The following XRN1 variants were observed in gnomAD, a reference collection of about 807,000 sequenced individuals.
XRN1 encodes the protein strand-exchange protein 1 homolog.
A neutral mutation model predicts 222.3 loss-of-function variants in XRN1; 67 were observed. The observed-to-expected ratio is 0.30, with a 90% confidence interval of 0.25 to 0.37. The LOEUF is 0.37. Ranked by LOEUF, XRN1 falls within the 10% of genes least tolerant of loss-of-function variation. The pLI is 1.00. For missense variants in XRN1, 1,707 were observed against 2,000.2 expected (o/e 0.85, Z 2.80); for synonymous variants, 643 against 652.4 (o/e 0.99, Z 0.22).
rs369118407 is a variant in XRN1 at position 142,418,809 on chromosome 3, A to T, written c.1240+6T>A. ...TAACATATCAAAACACATACTTCAT[A>T]CTTACCCTTAGAAGTTATCATTTCG... is the stretch of plus-strand genomic sequence containing the variant. On this transcript the variant is annotated splice_donor_region_variant and intron_variant, in intron 11 of 40. Coordinates refer to ENST00000392981, the MANE Select transcript of XRN1 (RefSeq NM_001282857.2). 3.0e-5 allele frequency: 48 copies of T among 1,613,652 alleles called. No homozygotes were observed. The African/African-American group carries it at 5.6e-4, about 19-fold the overall frequency.
rs542958870 is a variant in XRN1 at position 142,327,220 on chromosome 3, G to C, written c.4404+2214C>G. 2.6e-5 allele frequency among the ~76,000 whole-genome samples: 4 copies of C among 152,052 alleles called. No homozygotes were observed. In the East Asian group the frequency reaches 7.7e-4, roughly 29 times the overall value. On this transcript the variant is annotated intron_variant, in intron 37 of 40. Coordinates refer to ENST00000392981, the MANE Select transcript of XRN1 (RefSeq NM_001282857.2). ...TCAGCGTTTGGCAGAATTCAGTAGC[G>C]AAAACACCAGGTCCTGGTCTACTTT... is the stretch of plus-strand genomic sequence containing the variant.
At chr3:142,312,288 GAATAATAAT>G (rs540773237) in intron 40 of XRN1, among the ~76,000 whole-genome samples, 6 of 151,722 alleles carry the variant, frequency 4.0e-5, no homozygotes, top group African/African-American at 1.5e-4. Context: ...CCAAAAAAAT[GAATAATAAT>G]AATAATAATA....
intron 22 of XRN1, among the ~76,000 whole-genome samples, chr3:142,381,353 C>T (rs2067297286): frequency 6.6e-6 from 1 of 152,090 alleles, no homozygotes; most frequent in African/African-American, 2.4e-5. Flanking sequence ...TTTACATTGA[C>T]ATAATACTTT....
chr3:142,441,838 C>T (rs1037934391), intron 1 of XRN1, among the ~76,000 whole-genome samples: 2 of 152,182 alleles, frequency 1.3e-5, no homozygotes, highest in Non-Finnish European at 2.9e-5. Context: ...AAACCTAAGC[C>T]GCTCGAGGGG....
chr3:142,345,659 A>C (rs536530611), intron 33 of XRN1, among the ~76,000 whole-genome samples: 5 of 152,356 alleles, frequency 3.3e-5, no homozygotes, highest in African/African-American at 9.6e-5. Flanking sequence ...CATATCCAAG[A>C]AGCATGTAAT....
intron 12 of XRN1, chr3:142,417,926 T>C (rs1258053733): frequency 6.6e-6 from 1 of 152,240 alleles, no homozygotes; most frequent in Non-Finnish European, 1.5e-5. Flanking sequence ...ATCTGGACAA[T>C]GAAGAACAGC....
chr3:142,421,487 T>C lies in XRN1; in HGVS notation c.1024A>G (p.Lys342Glu), dbSNP rs148364275. 6 of 1,608,344 alleles carry C rather than the reference T, an allele frequency of 3.7e-6. No homozygotes were observed. The African/African-American group carries it at 8.0e-5, about 22-fold the overall frequency. ...TTCTAGTTACTTACATCTGATAGTT[T>C]CACAAGGTATTTCTCAAATCGAGGT... is the stretch of plus-strand genomic sequence containing the variant. ...NLPRFEKYLV[K>E]LSDFDREHFS... The change falls in exon 9 of 41, where the codon AAA (lysine) becomes GAA (glutamate). Residue 342 changes from lysine (K) to glutamate (E), a missense_variant. Lys to Glu is a moderately conservative substitution (Grantham distance 56). This residue lies in a region of XRN1 where 1,234 missense variants were observed against 1,518.2 expected (regional missense o/e 0.81). Coordinates refer to ENST00000392981, the MANE Select transcript of XRN1 (RefSeq NM_001282857.2).
At chr3:142,368,453 T>C (rs1255739622) in intron 27 of XRN1, among the ~76,000 whole-genome samples, 2 of 152,102 alleles carry the variant, frequency 1.3e-5, no homozygotes, top group Non-Finnish European at 2.9e-5. Context: ...TCAGCCTATA[T>C]GCACATATAT....
chr3:142,332,606 T>A (rs541396111), intron 35 of XRN1, 72 bp from the exon 36 acceptor site: 1 of 1,342,392 alleles, frequency 7.4e-7, no homozygotes, highest in East Asian at 2.4e-5. Flanking sequence ...CTGTAGAACT[T>A]ATTGATCTTT....
chr3:142,318,930 T>C (rs776962406), intron 37 of XRN1, 27 bp from the exon 38 acceptor site: 7 of 1,576,264 alleles, frequency 4.4e-6, no homozygotes, highest in Non-Finnish European at 5.2e-6. Context: ...TATATGTCTA[T>C]GAAATTCTCT....
chr3:142,431,897 A>T lies in XRN1; in HGVS notation c.308+764T>A, dbSNP rs1292018825. ...ATATTATATATATTATATATAATAT[A>T]TATATTATATATATAAATATATATA... On this transcript the variant is annotated intron_variant, in intron 2 of 40. Coordinates refer to ENST00000392981, the MANE Select transcript of XRN1 (RefSeq NM_001282857.2). 7.2e-5 allele frequency among the ~76,000 whole-genome samples: 2 copies of T among 27,778 alleles called. 1 individual carries two copies. Among genetic ancestry groups the T allele is most frequent in the African/African-American group, 4.4e-4 (2 of 4,578 alleles). 18.2% of individuals were successfully genotyped at this position (27,778 alleles called of 152,430 possible).
chr3:142,412,802 G>T (rs781696089), intron 14 of XRN1, 139 bp from the exon 15 acceptor site: 4 of 568,582 alleles, frequency 7.0e-6, no homozygotes, highest in African/African-American at 1.9e-5. Context: ...CCTTTGATAT[G>T]TCACAATATA....
chr3:142,325,967 G>A (rs1286825282), intron 37 of XRN1, among the ~76,000 whole-genome samples: 4 of 152,038 alleles, frequency 2.6e-5, no homozygotes, highest in African/African-American at 9.7e-5. Flanking sequence ...TAAAAAATAA[G>A]TTGACTGTAA....
In XRN1 at chr3:142,385,798, A is replaced by C. The variant is rs143065572; in HGVS notation, c.2340-1113T>G. On this transcript the variant is annotated intron_variant, in intron 20 of 40. Transcript: ENST00000392981. ...TATTTTCATCTCTTTGTGCTTTTGT[A>C]CTGCTTACTGAAGGAATTCCTAAGG... is the stretch of plus-strand genomic sequence containing the variant. Among the ~76,000 whole-genome samples the C allele has an allele frequency of 8.9e-3, 1,349 of 152,024 alleles. 20 individuals are homozygous for C. Among genetic ancestry groups the C allele is most frequent in the African/African-American group, 0.031 (1,274 of 41,492 alleles).
At chr3:142,427,639 T>A (rs1401740670) in intron 2 of XRN1, among the ~76,000 whole-genome samples, 1 of 152,196 alleles carries the variant, frequency 6.6e-6, no homozygotes, top group Non-Finnish European at 1.5e-5. Flanking sequence ...ACATTTAAAA[T>A]GAAAGCCTAA....
intron 8 of XRN1, 82 bp downstream of exon 8, chr3:142,422,500 A>C (rs370603747): frequency 4.2e-6 from 6 of 1,417,396 alleles, no homozygotes; most frequent in Non-Finnish European, 5.9e-6. Flanking sequence ...TGCATGCAAT[A>C]ATCTACTAAA....
At position 142,318,308 on chromosome 3, in the gene XRN1, A is replaced by ATT. The variant is rs59905544; in HGVS notation, c.4621+282_4621+283dup. ...AATACAGTCCTGAAGAAATTACATG[A>ATT]TTTTTTTTTTACCTTTTGATGTCTA... On this transcript the variant is annotated intron_variant, in intron 39 of 40. Coordinates refer to ENST00000392981, the MANE Select transcript of XRN1 (RefSeq NM_001282857.2). Among the ~76,000 whole-genome samples the ATT allele has an allele frequency of 2.7e-5, 4 of 150,532 alleles. 1 individual carries two copies. The highest frequency in any genetic ancestry group is 4.9e-5 in the African/African-American group (2 of 40,962).
At chr3:142,378,630 G>A (rs1479102410) in intron 23 of XRN1, among the ~76,000 whole-genome samples, 29 of 152,072 alleles carry the variant, frequency 1.9e-4, no homozygotes, top group African/African-American at 6.8e-4. Context: ...ATAAAACTAA[G>A]AAGATCAATC....
chr3:142,444,838 T>TA (rs67104793), intron 1 of XRN1, among the ~76,000 whole-genome samples: 4 of 151,412 alleles, frequency 2.6e-5, no homozygotes, highest in African/African-American at 4.9e-5. Context: ...CTATGTTTCA[T>TA]AAAAAAAAAT....
Sources: gnomAD v4.1 joint callset for allele counts (sites outside exome capture counted in the v4.1 genomes callset) on GRCh38, gnomAD v4.1.1 for gene constraint, gnomAD v4.1.1 regional missense constraint, MANE v1.5 for transcripts, NCBI Gene and HGNC (gene_info 2026-07-23, HGNC 2026-07-21) for gene names.